Variants in STPG2 observed in about 807,000 individuals in gnomAD.
STPG2 encodes sperm tail PG-rich repeat containing 2.
In STPG2, 56 loss-of-function variants were observed where a neutral mutation model predicts 54.2. The ratio of observed to expected loss-of-function variants is 1.03; its 90% CI spans 0.83 to 1.29. STPG2 has a LOEUF of 1.29. Ranked by LOEUF, STPG2 falls within the 50% of genes most tolerant of loss-of-function variation. STPG2 has a pLI of 0.00. For missense variants in STPG2, 596 were observed against 544.9 expected (o/e 1.09, Z -0.93); for synonymous variants, 200 against 181.8 (o/e 1.10, Z -0.81).
intron 5 of STPG2, among the ~76,000 whole-genome samples, chr4:98,016,857 C>T (rs1735963637): frequency 6.6e-6 from 1 of 152,112 alleles, no homozygotes; most frequent in African/African-American, 2.4e-5. Context: ...GGTGTCTGTG[C>T]ATTTGAAGGA....
rs535163658 is a variant in STPG2 at position 97,582,949 on chromosome 4, T to C, written c.1321-23832A>G. Among the ~76,000 whole-genome samples, 3 of 152,160 alleles carry C rather than the reference T, an allele frequency of 2.0e-5. No homozygotes were observed. The South Asian group carries it at 6.2e-4, about 31-fold the overall frequency. ...ACAATTTCCTGATCTTTTTGAACAC[T>C]GTAGTTTGCTTATCGGTAAAACATT... On this transcript the variant is annotated intron_variant, in intron 10 of 10. Transcript: ENST00000295268.
At chr4:97,494,857 A>C (rs987920562) in intron 4 of STPG2, among the ~76,000 whole-genome samples, 1 of 151,610 alleles carries the variant, frequency 6.6e-6, no homozygotes, top group African/African-American at 2.4e-5. Context: ...CATCATAATA[A>C]TTAAATGTAT....
intron 5 of STPG2, among the ~76,000 whole-genome samples, chr4:98,064,711 G>A (rs559342843): frequency 3.9e-4 from 60 of 152,150 alleles, no homozygotes; most frequent in Non-Finnish European, 7.9e-4. Flanking sequence ...TAAATTCAGC[G>A]GTATATTGTC....
chr4:97,939,241 A>G (rs192353151), intron 8 of STPG2, among the ~76,000 whole-genome samples: 235 of 152,242 alleles, frequency 1.5e-3, no homozygotes, highest in African/African-American at 5.6e-3. Context: ...GATGTGGTCA[A>G]TTTCAGAGTA....
At chr4:97,991,358 G>C (rs1280847535) in intron 5 of STPG2, among the ~76,000 whole-genome samples, 1 of 150,454 alleles carries the variant, frequency 6.6e-6, no homozygotes, top group South Asian at 2.1e-4. Flanking sequence ...ATATATGTGT[G>C]TGTGGTGTAT....
At chr4:97,882,231 T>G (rs979872821) in intron 8 of STPG2, among the ~76,000 whole-genome samples, 4 of 152,168 alleles carry the variant, frequency 2.6e-5, no homozygotes, top group African/African-American at 7.2e-5. Flanking sequence ...ATGGACTGTA[T>G]GTTCACAAGG....
chr4:97,795,828 T>G (rs1238270441), intron 9 of STPG2, among the ~76,000 whole-genome samples: 4 of 152,140 alleles, frequency 2.6e-5, no homozygotes, highest in African/African-American at 9.7e-5. Context: ...AGTGTAAAAG[T>G]GTTCCTATTT....
At chr4:97,939,636 T>A (rs1356011835) in intron 8 of STPG2, among the ~76,000 whole-genome samples, 1 of 152,208 alleles carries the variant, frequency 6.6e-6, no homozygotes, top group Non-Finnish European at 1.5e-5. Flanking sequence ...GCTTTTTTTC[T>A]GTTTTCCATT....
chr4:97,692,282 A>G (rs1723392358), intron 10 of STPG2, among the ~76,000 whole-genome samples: 1 of 147,814 alleles, frequency 6.8e-6, no homozygotes, highest in Non-Finnish European at 1.5e-5. Flanking sequence ...GAAATCAAAA[A>G]GATGATACAG....
chr4:97,942,133 A>ATG (rs936096833), intron 8 of STPG2, among the ~76,000 whole-genome samples: 1 of 150,398 alleles, frequency 6.6e-6, no homozygotes, highest in African/African-American at 2.4e-5. Flanking sequence ...AAATATATAT[A>ATG]TGTGTGTATA....
intron 9 of STPG2, among the ~76,000 whole-genome samples, chr4:97,800,109 T>A (rs1727335165): frequency 6.6e-6 from 1 of 152,164 alleles, no homozygotes; most frequent in South Asian, 2.1e-4. Flanking sequence ...GTTTTTAGCT[T>A]CTTTGCGATG....
rs192065203 is a variant in STPG2, at chr4:97,615,857, G to A, written c.1321-56740C>T. Reference sequence around the variant, plus strand: ...TCAAGACCAGCCTGGCTAACATGGCGAAACCCGATCTCTACTGAAAATACA... The same window carrying A: ...TCAAGACCAGCCTGGCTAACATGGCAAAACCCGATCTCTACTGAAAATACA... On this transcript the variant is annotated intron_variant, in intron 10 of 10. Coordinates refer to ENST00000295268, the MANE Select transcript of STPG2 (RefSeq NM_174952.3). 8.0e-4 allele frequency among the ~76,000 whole-genome samples: 121 copies of A among 150,598 alleles called. 1 individual carries two copies. The East Asian group carries it at 0.019, about 23-fold the overall frequency.
intron 8 of STPG2, chr4:97,917,474 T>C (rs1313199780): frequency 2.0e-5 from 3 of 152,154 alleles, no homozygotes; most frequent in Admixed American, 2.0e-4. Flanking sequence ...TCAATACGGG[T>C]TCAACACCAG....
chr4:97,869,146 T>A (rs919389652), intron 8 of STPG2, among the ~76,000 whole-genome samples: 1 of 151,834 alleles, frequency 6.6e-6, no homozygotes. Flanking sequence ...AAAGTGTTAC[T>A]AAGTCCTCAA....
chr4:98,017,346 T>A (rs539566986), intron 5 of STPG2, among the ~76,000 whole-genome samples: 1 of 152,370 alleles, frequency 6.6e-6, no homozygotes, highest in Non-Finnish European at 1.5e-5. Flanking sequence ...GAAGCCTGGA[T>A]CTGCCAGGGT....
chr4:97,988,436 T>C (rs1269356965), intron 5 of STPG2, among the ~76,000 whole-genome samples: 1 of 152,140 alleles, frequency 6.6e-6, no homozygotes, highest in Non-Finnish European at 1.5e-5. Context: ...GCTATATCTC[T>C]AGAGTATAAA....
At chr4:97,477,766 A>C (rs1560625308) in intron 4 of STPG2, among the ~76,000 whole-genome samples, 1 of 151,962 alleles carries the variant, frequency 6.6e-6, no homozygotes, top group Non-Finnish European at 1.5e-5. Flanking sequence ...CTGGGATTAC[A>C]GACGTGAGGA....
Position 98,055,534 on chromosome 4 carries a change from T to C in STPG2, c.612+50419A>G, listed in dbSNP as rs540761759. ...GGCAAGGAGCAACCCACTCTCACCA[T>C]GGGCCTTTGAAACCATGGCAGGAAG... On this transcript the variant is annotated intron_variant, in intron 5 of 10. Transcript: ENST00000295268. Among the ~76,000 whole-genome samples the C allele has an allele frequency of 1.1e-4, 16 of 152,224 alleles. No homozygotes were observed. The South Asian group carries it at 3.1e-3, about 30-fold the overall frequency.
intron 9 of STPG2, among the ~76,000 whole-genome samples, chr4:97,736,002 A>G (rs1157575154): frequency 6.6e-6 from 1 of 152,222 alleles, no homozygotes; most frequent in Non-Finnish European, 1.5e-5. Flanking sequence ...ATATCACTTC[A>G]CACTTGTTAG....
Sources: gnomAD v4.1 joint callset for allele counts (sites outside exome capture counted in the v4.1 genomes callset) on GRCh38, gnomAD v4.1.1 for gene constraint, MANE v1.5 for transcripts, NCBI Gene and HGNC (gene_info 2026-07-23, HGNC 2026-07-21) for gene names.